Variants in FNIP2 observed in about 807,000 individuals in gnomAD.
The protein encoded by FNIP2 is folliculin-interacting protein 2.
In FNIP2, 32 loss-of-function variants were observed where a neutral mutation model predicts 108.7. The observed-to-expected ratio is 0.29, with a 90% CI of 0.22 to 0.40. The LOEUF (loss-of-function observed/expected upper bound fraction) is 0.40. FNIP2 is among the 10% of genes least tolerant of loss of function. The probability of loss-of-function intolerance (pLI) is 1.00; values close to 1 mark genes in which losing one functional copy is unlikely to be tolerated. For synonymous variants in FNIP2, 480 were observed against 496.7 expected (o/e 0.97, Z 0.45); for missense variants, 1,202 against 1,381.6 (o/e 0.87, Z 2.06).
At chr4:158,789,806 C>T (rs1461461198) in intron 1 of FNIP2, among the ~76,000 whole-genome samples, 1 of 102,678 alleles carries the variant, frequency 9.7e-6, no homozygotes, top group Non-Finnish European at 2.1e-5. Flanking sequence ...CCATTTTTTC[C>T]AACTCCAAGG....
At chr4:158,793,418 T>G (rs1369555855) in intron 1 of FNIP2, among the ~76,000 whole-genome samples, 1 of 152,162 alleles carries the variant, frequency 6.6e-6, no homozygotes, top group Non-Finnish European at 1.5e-5. Flanking sequence ...CATGGAAAGA[T>G]GTAGAGAAAG....
At chr4:158,895,030 G>A (rs920567269) in intron 15 of FNIP2, among the ~76,000 whole-genome samples, 22 of 152,094 alleles carry the variant, frequency 1.4e-4, no homozygotes, top group East Asian at 3.8e-4. Flanking sequence ...GAAGATGCTC[G>A]GGTATCTGCC....
At chr4:158,826,616 A>AGTGGTG (rs150947952) in intron 2 of FNIP2, among the ~76,000 whole-genome samples, 2 of 151,462 alleles carry the variant, frequency 1.3e-5, no homozygotes, top group Admixed American at 6.6e-5. Context: ...GTTGGGTGGT[A>AGTGGTG]GTGGTGGTGG....
Position 158,881,327 on chromosome 4 carries a change from G to A in FNIP2, c.2950-10119G>A, listed in dbSNP as rs188907171. Reference sequence around the variant, plus strand: ...CCTCCCTCTCTCTTTCCACCGTCTCGTCTCCCTCTCCCTCTCTTTCCACGG... The same window carrying A: ...CCTCCCTCTCTCTTTCCACCGTCTCATCTCCCTCTCCCTCTCTTTCCACGG... On this transcript the variant is annotated intron_variant, in intron 14 of 16. Coordinates refer to ENST00000264433, the MANE Select transcript of FNIP2 (RefSeq NM_020840.3). Among the ~76,000 whole-genome samples, 185 of 120,206 alleles carry A rather than the reference G, an allele frequency of 1.5e-3. 2 individuals carry two copies. The highest frequency in any genetic ancestry group is 5.8e-3 in the African/African-American group (166 of 28,840). The allele number at this position is 120,206 out of a possible 152,430, so 78.9% of individuals were successfully genotyped here.
chr4:158,872,453 G>A, intron 14 of FNIP2: 1 of 985,342 alleles, frequency 1.0e-6, no homozygotes, highest in Non-Finnish European at 1.2e-6. Context: ...TCACACTGTA[G>A]CTTTTCTCAT....
chr4:158,850,292 CT>C, intron 7 of FNIP2, among the ~76,000 whole-genome samples: 1 of 152,106 alleles, frequency 6.6e-6, no homozygotes, highest in Non-Finnish European at 1.5e-5. Flanking sequence ...TTATTTTCCA[CT>C]GGACTGAGTG....
At chr4:158,878,983 G>A (rs535193436) in intron 14 of FNIP2, among the ~76,000 whole-genome samples, 1 of 150,130 alleles carries the variant, frequency 6.7e-6, no homozygotes, top group Non-Finnish European at 1.5e-5. Context: ...TGAAATGGAG[G>A]CTACTTAAGA....
At chr4:158,890,345 A>G in intron 14 of FNIP2, 1 of 985,224 alleles carries the variant, frequency 1.0e-6, no homozygotes, top group East Asian at 1.1e-4. Flanking sequence ...TATTTTTCCT[A>G]CTATTCCCCC....
intron 3 of FNIP2, among the ~76,000 whole-genome samples, chr4:158,830,567 T>G (rs1455647871): frequency 1.3e-5 from 2 of 152,084 alleles, no homozygotes; most frequent in African/African-American, 4.8e-5. Context: ...CGGCCCAGAT[T>G]TATCTTTCTC....
intron 1 of FNIP2, among the ~76,000 whole-genome samples, chr4:158,808,119 C>T (rs1313512883): frequency 1.3e-5 from 2 of 152,052 alleles, no homozygotes; most frequent in East Asian, 1.9e-4. Context: ...GTAATTGGCT[C>T]GGATTATTTT....
chr4:158,781,302 G>A (rs1195717921), intron 1 of FNIP2, among the ~76,000 whole-genome samples: 1 of 152,180 alleles, frequency 6.6e-6, no homozygotes, highest in African/African-American at 2.4e-5. Context: ...TTACCTTAGA[G>A]GTGTTCCTGA....
intron 1 of FNIP2, among the ~76,000 whole-genome samples, chr4:158,798,017 C>T (rs1489428692): frequency 6.6e-6 from 1 of 152,162 alleles, no homozygotes; most frequent in Non-Finnish European, 1.5e-5. Flanking sequence ...CACTGACAGC[C>T]TTTAAAACAC....
intron 1 of FNIP2, among the ~76,000 whole-genome samples, chr4:158,816,185 C>G (rs927377543): frequency 6.6e-6 from 1 of 152,084 alleles, no homozygotes; most frequent in Non-Finnish European, 1.5e-5. Context: ...AACGAGAGAC[C>G]TTACACAGAG....
At chr4:158,860,813 T>C (rs1780245962) in intron 10 of FNIP2, among the ~76,000 whole-genome samples, 1 of 151,944 alleles carries the variant, frequency 6.6e-6, no homozygotes. Flanking sequence ...CGCGCCACCA[T>C]GCCCAGCTAA....
At chr4:158,819,107 T>C (rs183958164) in intron 1 of FNIP2, among the ~76,000 whole-genome samples, 1 of 152,344 alleles carries the variant, frequency 6.6e-6, no homozygotes, top group East Asian at 1.9e-4. Flanking sequence ...TGTAAGCATA[T>C]TGAGGTAAAT....
At chr4:158,888,345 C>T (rs930791849) in intron 14 of FNIP2, among the ~76,000 whole-genome samples, 19 of 152,136 alleles carry the variant, frequency 1.2e-4, no homozygotes, top group Non-Finnish European at 2.2e-4. Context: ...TAAAAGTCAG[C>T]AATCCATGCT....
chr4:158,883,949 C>CTTTT (rs33942642), intron 14 of FNIP2, among the ~76,000 whole-genome samples: 3 of 88,998 alleles, frequency 3.4e-5, no homozygotes, highest in East Asian at 3.6e-4. Context: ...TTAATAAGCT[C>CTTTT]TTTTTTTTTT....
intron 7 of FNIP2, among the ~76,000 whole-genome samples, chr4:158,845,722 G>T (rs939215179): frequency 6.6e-6 from 1 of 152,240 alleles, no homozygotes; most frequent in African/African-American, 2.4e-5. Context: ...CATGAAAATG[G>T]CAGTTGTTTT....
chr4:158,789,355 A>G (rs1468468752), intron 1 of FNIP2, among the ~76,000 whole-genome samples: 1 of 152,096 alleles, frequency 6.6e-6, no homozygotes, highest in African/African-American at 2.4e-5. Context: ...ACAGGCTTTT[A>G]CCATTCAGAA....
Sources: gnomAD v4.1 joint callset for allele counts (sites outside exome capture counted in the v4.1 genomes callset) on GRCh38, gnomAD v4.1.1 for gene constraint, MANE v1.5 for transcripts, NCBI Gene and HGNC (gene_info 2026-07-23, HGNC 2026-07-21) for gene names.